FADS2: variants seen among roughly 807,000 people sequenced by gnomAD.
The protein encoded by FADS2 is acyl-CoA 6-desaturase.
A neutral mutation model predicts 61.2 loss-of-function variants in FADS2; 18 were observed. The ratio of observed to expected loss-of-function variants is 0.29; its 90% confidence interval spans 0.20 to 0.44. FADS2 has a LOEUF of 0.44. FADS2 is among the 20% of genes least tolerant of loss of function. FADS2 has a pLI of 1.00. For missense variants in FADS2, 322 were observed against 572.7 expected (o/e 0.56, Z 4.47); for synonymous variants, 203 against 223.9 (o/e 0.91, Z 0.83).
At chr11:61,857,174 C>T (rs1252539193) in intron 6 of FADS2, 103 bp downstream of exon 6, 1 of 1,067,362 alleles carries the variant, frequency 9.4e-7, no homozygotes, top group African/African-American at 1.6e-5. Flanking sequence ...CAGAAAGTGA[C>T]ACTAAACTTG....
At chr11:61,863,829 A>T in intron 10 of FADS2, 43 bp downstream of exon 10, 1 of 1,490,178 alleles carries the variant, frequency 6.7e-7, no homozygotes, top group Non-Finnish European at 9.4e-7. Flanking sequence ...CCACAGCGGG[A>T]GGGAAGTGGC....
upstream of FADS2, among the ~76,000 whole-genome samples, chr11:61,824,487 A>G (rs1565325382): frequency 4.2e-4 from 4 of 9,508 alleles, no homozygotes; most frequent in Non-Finnish European, 4.3e-3. Flanking sequence ...AGAGAGAGAG[A>G]GAGAAAGAAA....
At chr11:61,827,970 A>G, upstream of FADS2, 1 of 918,500 alleles carries the variant, frequency 1.1e-6, no homozygotes, top group Non-Finnish European at 1.3e-6. The surrounding 1 kb of genome is among the most constrained non-coding windows in gnomAD (Gnocchi z 4.5). Context: ...ACGCGACCGG[A>G]TTGGTGCAGG....
Position 61,816,817 on chromosome 11 carries a change from G to A in FADS2, c.141+391G>A. The A allele has an allele frequency of 6.7e-7, 1 of 1,494,068 alleles. No homozygotes were observed. The highest frequency in any genetic ancestry group is 1.3e-5 in the South Asian group (1 of 78,172). 92.6% of individuals were successfully genotyped at this position (1,494,068 alleles called of 1,614,324 possible). ...AGGGGCTGTCAGGCGCGTGCTCGGGGTCCGCGGGCTCCAGGAGTGGATTTG... is the reference window on the plus strand; with the variant it reads ...AGGGGCTGTCAGGCGCGTGCTCGGGATCCGCGGGCTCCAGGAGTGGATTTG... On this transcript the variant is annotated intron_variant, in intron 1 of 11. Coordinates refer to the FADS2 transcript ENST00000257261. The surrounding 1 kb of genome is among the most constrained non-coding windows in gnomAD (Gnocchi z 7.0).
At chr11:61,818,795 A>G (rs1222754750) in intron 1 of FADS2, among the ~76,000 whole-genome samples, 1 of 152,246 alleles carries the variant, frequency 6.6e-6, no homozygotes, top group African/African-American at 2.4e-5. Flanking sequence ...CAGTGGGATA[A>G]AAGCTCTCAT....
At chr11:61,834,693 A>G (rs768807786) in intron 1 of FADS2, among the ~76,000 whole-genome samples, 2 of 152,132 alleles carry the variant, frequency 1.3e-5, no homozygotes, top group Admixed American at 6.5e-5. Context: ...TCCATTAGTT[A>G]TCAGCCACTG....
intron 5 of FADS2, among the ~76,000 whole-genome samples, chr11:61,852,845 C>T (rs1263013804): frequency 2.0e-5 from 3 of 151,942 alleles, no homozygotes; most frequent in Non-Finnish European, 2.9e-5. Context: ...TGATCATATC[C>T]TAGAAAATAA....
At chr11:61,826,557 G>T, upstream of FADS2, 1 of 601,930 alleles carries the variant, frequency 1.7e-6, no homozygotes, top group Non-Finnish European at 3.0e-6. Flanking sequence ...TTCCGTCAAC[G>T]TTTGACAGTC....
rs2135953159 is a variant in FADS2 at position 61,828,362 on chromosome 11, T to G, written c.-29T>G. 1.3e-6 allele frequency: 2 copies of G among 1,548,472 alleles called. No homozygotes were observed. The highest frequency in any genetic ancestry group is 2.4e-5 in the South Asian group (2 of 83,864). The stretch of plus-strand genomic sequence containing the variant: ...AGCAGCCGGCGCGGGGAGGCCGCAG[T>G]GCACGGGGCGTCACAGTCGGCAGGC... On this transcript the variant is annotated 5_prime_UTR_variant, in exon 1 of 12. Coordinates refer to ENST00000278840, the MANE Select transcript of FADS2 (RefSeq NM_004265.4). This position sits in a 1 kb window ranked among gnomAD's most constrained non-coding sequence, Gnocchi z 6.4.
chr11:61,821,366 A>AT, intron 1 of FADS2: 1 of 700,596 alleles, frequency 1.4e-6, no homozygotes, highest in South Asian at 1.5e-5. Flanking sequence ...CTGTCCCACC[A>AT]TTTTCTCTCT....
chr11:61,840,266 G>T, intron 2 of FADS2, 68 bp from the exon 3 acceptor site: 1 of 1,340,846 alleles, frequency 7.5e-7, no homozygotes, highest in South Asian at 1.2e-5. Flanking sequence ...TGAAATGGCA[G>T]CTCGAGACAT....
At position 61,828,909 on chromosome 11, in the gene FADS2, G is replaced by C. The variant is rs1174750942; in HGVS notation, c.207+312G>C. Among the ~76,000 whole-genome samples, 1 of 152,212 alleles carries C rather than the reference G, an allele frequency of 6.6e-6. No homozygotes were observed. The highest frequency in any genetic ancestry group is 1.5e-5 in the Non-Finnish European group (1 of 68,028). On this transcript the variant is annotated intron_variant, in intron 1 of 11. Coordinates refer to ENST00000278840, the MANE Select transcript of FADS2 (RefSeq NM_004265.4). The surrounding 1 kb of genome is among the most constrained non-coding windows in gnomAD (Gnocchi z 6.4). ...CCTCCCCTTCCTCGGGGTTTGTCTG[G>C]AGGCAGGGACTCCCCAAGAGGGGCG...
chr11:61,818,909 C>G (rs1204044882), intron 1 of FADS2, among the ~76,000 whole-genome samples: 1 of 150,722 alleles, frequency 6.6e-6, no homozygotes, highest in African/African-American at 2.4e-5. Flanking sequence ...CTCGCTCTGT[C>G]GCCCAGGCTG....
intron 4 of FADS2, 30 bp downstream of exon 4, chr11:61,840,755 C>T: frequency 6.6e-7 from 1 of 1,521,988 alleles, no homozygotes; most frequent in South Asian, 1.1e-5. Context: ...GGCATCTGTC[C>T]TGTTGGACAG....
intron 1 of FADS2, among the ~76,000 whole-genome samples, chr11:61,819,020 G>A (rs568150993): frequency 6.6e-6 from 1 of 151,830 alleles, no homozygotes; most frequent in South Asian, 2.1e-4. Context: ...ACAGGTGCCC[G>A]CCACCACGCC....
chr11:61,852,046 A>G (rs1054057014), intron 5 of FADS2, among the ~76,000 whole-genome samples: 8 of 152,144 alleles, frequency 5.3e-5, no homozygotes, highest in African/African-American at 1.9e-4. Context: ...AGAGTCGGCC[A>G]GTTTTCCCGG....
intron 5 of FADS2, chr11:61,854,927 C>T (rs565091840): frequency 1.3e-5 from 2 of 152,402 alleles, no homozygotes; most frequent in East Asian, 3.9e-4. Flanking sequence ...AAGCAGGACC[C>T]CCTGGCTCCC....
rs561208566 is a variant in FADS2 at position 61,860,841 on chromosome 11, G to C, written c.883-2131G>C. On this transcript the variant is annotated intron_variant, in intron 7 of 11. Coordinates refer to ENST00000278840, the MANE Select transcript of FADS2 (RefSeq NM_004265.4). ...GAGGATGGCTTGAGCCCAGGAGTTT[G>C]AGGCTGCAGTGAGCTGTGATCACAC... is the stretch of plus-strand genomic sequence containing the variant. 5.0e-4 allele frequency among the ~76,000 whole-genome samples: 76 copies of C among 152,306 alleles called. 1 individual carries two copies. In the South Asian group the frequency reaches 0.016, roughly 31 times the overall value.
upstream of FADS2, chr11:61,826,412 C>T: frequency 2.8e-6 from 2 of 701,804 alleles, no homozygotes. Flanking sequence ...TTCAAAGCCT[C>T]TGTGAGATAC....
Sources: gnomAD v4.1 joint callset for allele counts (sites outside exome capture counted in the v4.1 genomes callset) on GRCh38, gnomAD v4.1.1 for gene constraint, Gnocchi (gnomAD v3.1) non-coding constraint, MANE v1.5 for transcripts, NCBI Gene and HGNC (gene_info 2026-07-23, HGNC 2026-07-21) for gene names.